AKT3: variants seen among roughly 807,000 people sequenced by gnomAD.
AKT3 encodes the protein RAC-gamma serine/threonine-protein kinase.
Under a neutral mutation model 65.3 loss-of-function variants are expected in AKT3, and 15 were observed. That is an observed-to-expected ratio of 0.23 (90% CI 0.15 to 0.35). The LOEUF (loss-of-function observed/expected upper bound fraction) is 0.35, where lower values mean the gene tolerates loss of function less well. AKT3 is among the 10% of genes least tolerant of loss of function. The probability of loss-of-function intolerance (pLI) is 1.00; values close to 1 mark genes in which losing one functional copy is unlikely to be tolerated. For synonymous variants in AKT3, 206 were observed against 183.8 expected, an observed-to-expected ratio of 1.12 and a Z score of -0.98; for missense variants, 243 against 576.5, an observed-to-expected ratio of 0.42 and a Z score of 5.92.
intron 2 of AKT3, among the ~76,000 whole-genome samples, chr1:243,734,473 G>A (rs1021814726): frequency 1.3e-5 from 2 of 152,042 alleles, no homozygotes; most frequent in African/African-American, 4.8e-5. Flanking sequence ...TACTGAATAC[G>A]CAGTTCTAAC....
At chr1:243,805,415 T>C (rs989823635) in intron 2 of AKT3, among the ~76,000 whole-genome samples, 1 of 152,116 alleles carries the variant, frequency 6.6e-6, no homozygotes, top group East Asian at 1.9e-4. Context: ...ATACAAAAAT[T>C]TTCTCTAACT....
At chr1:243,842,127 G>A in intron 2 of AKT3, among the ~76,000 whole-genome samples, 1 of 152,172 alleles carries the variant, frequency 6.6e-6, no homozygotes, top group African/African-American at 2.4e-5. Context: ...ATCAAATTAT[G>A]ACTTTACATT....
intron 3 of AKT3, among the ~76,000 whole-genome samples, chr1:243,676,606 T>C (rs1480722277): frequency 6.6e-6 from 1 of 152,220 alleles, no homozygotes; most frequent in Non-Finnish European, 1.5e-5. Context: ...TTTGTTTGTT[T>C]CAGCTTCCAA....
chr1:243,797,032 A>C (rs954677453), intron 2 of AKT3, among the ~76,000 whole-genome samples: 6 of 152,180 alleles, frequency 3.9e-5, no homozygotes, highest in African/African-American at 1.4e-4. Context: ...ACATGAAAAA[A>C]GTTCTGGAGG....
intron 8 of AKT3, among the ~76,000 whole-genome samples, chr1:243,593,996 A>G (rs1676423685): frequency 6.6e-6 from 1 of 152,246 alleles, no homozygotes; most frequent in Admixed American, 6.5e-5. Flanking sequence ...ACAAACAAGA[A>G]TGGAAGTAAA....
chr1:243,826,653 G>GTGA (rs1270897301), intron 2 of AKT3, among the ~76,000 whole-genome samples: 9 of 152,268 alleles, frequency 5.9e-5, no homozygotes, highest in Admixed American at 2.6e-4. Flanking sequence ...CAAGCTAACG[G>GTGA]TGATGAACCA....
chr1:243,799,424 T>A (rs1692246157), intron 2 of AKT3, among the ~76,000 whole-genome samples: 2 of 152,212 alleles, frequency 1.3e-5, no homozygotes, highest in Admixed American at 1.3e-4. Context: ...CACAAAACTA[T>A]GGTTGTAAAA....
At chr1:243,668,369 T>C (rs1015838974) in intron 3 of AKT3, among the ~76,000 whole-genome samples, 1 of 152,072 alleles carries the variant, frequency 6.6e-6, no homozygotes, top group Non-Finnish European at 1.5e-5. Context: ...AGAGAAGATA[T>C]AAGGGCCCAA....
chr1:243,700,476 C>A (rs1685375673), intron 2 of AKT3, among the ~76,000 whole-genome samples: 1 of 150,888 alleles, frequency 6.6e-6, no homozygotes, highest in South Asian at 2.1e-4. Context: ...AGTAAAAATA[C>A]TGCATTATTT....
chr1:243,775,169 C>T (rs1253192985), intron 2 of AKT3, among the ~76,000 whole-genome samples: 1 of 151,906 alleles, frequency 6.6e-6, no homozygotes, highest in Non-Finnish European at 1.5e-5. Flanking sequence ...GTCCTTGTTC[C>T]TATTATTTGT....
At chr1:243,769,254 G>A (rs911151860) in intron 2 of AKT3, among the ~76,000 whole-genome samples, 1 of 152,066 alleles carries the variant, frequency 6.6e-6, no homozygotes, top group Non-Finnish European at 1.5e-5. Flanking sequence ...AGGCAATTAC[G>A]AATACTACTA....
intron 9 of AKT3, among the ~76,000 whole-genome samples, chr1:243,570,593 A>G (rs1490650338): frequency 6.6e-6 from 1 of 152,196 alleles, no homozygotes; most frequent in Non-Finnish European, 1.5e-5. Context: ...TTAGTAAGTC[A>G]TTTACTAGGC....
At chr1:243,529,811 G>T (rs1028397625) in intron 12 of AKT3, among the ~76,000 whole-genome samples, 32 of 151,038 alleles carry the variant, frequency 2.1e-4, no homozygotes, top group East Asian at 7.8e-4. Flanking sequence ...AAATAGTTTG[G>T]TTTTTTTTTC....
At chr1:243,710,944 T>C (rs767052375) in intron 2 of AKT3, among the ~76,000 whole-genome samples, 2 of 152,228 alleles carry the variant, frequency 1.3e-5, no homozygotes, top group African/African-American at 2.4e-5. Context: ...GCTTAAGTAC[T>C]GGCCGTAGCA....
intron 5 of AKT3, among the ~76,000 whole-genome samples, chr1:243,645,586 T>G (rs967737454): frequency 3.3e-5 from 5 of 152,194 alleles, no homozygotes; most frequent in African/African-American, 1.2e-4. Flanking sequence ...AAACATTTTA[T>G]TACAAAGTTT....
chr1:243,848,652 T>C (rs1024832803), intron 1 of AKT3, among the ~76,000 whole-genome samples: 6 of 152,340 alleles, frequency 3.9e-5, no homozygotes, highest in Admixed American at 1.3e-4. Flanking sequence ...TATATGACCA[T>C]GCTTTACCAA....
chr1:243,500,591 C>T lies in AKT3; in HGVS notation c.*4658G>A, dbSNP rs14403. The T allele has an allele frequency of 0.18, 41,268 of 228,610 alleles. 4,191 individuals are homozygous for T. The highest frequency in any genetic ancestry group is 0.24 in the East Asian group (3,803 of 15,946). 14.2% of individuals were successfully genotyped at this position (228,610 alleles called of 1,614,324 possible). ...TAATAAAAACGGACACTGGACATAC[C>T]GTGTTGTATCTGAGAATGACAAACA... On this transcript the variant is annotated 3_prime_UTR_variant, in exon 14 of 14. Coordinates refer to ENST00000673466, the MANE Select transcript of AKT3 (RefSeq NM_005465.7).
chr1:243,589,018 C>T (rs923578865), intron 8 of AKT3, among the ~76,000 whole-genome samples: 1 of 151,900 alleles, frequency 6.6e-6, no homozygotes, highest in African/African-American at 2.4e-5. Flanking sequence ...CAAATATATA[C>T]AAAACTCGGC....
At chr1:243,647,160 T>A (rs1265493393) in intron 4 of AKT3, among the ~76,000 whole-genome samples, 1 of 152,216 alleles carries the variant, frequency 6.6e-6, no homozygotes, top group Non-Finnish European at 1.5e-5. Context: ...ATCTTTCACA[T>A]CTTTAACTGA....
Sources: gnomAD v4.1 joint callset for allele counts (sites outside exome capture counted in the v4.1 genomes callset) on GRCh38, gnomAD v4.1.1 for gene constraint, MANE v1.5 for transcripts, NCBI Gene and HGNC (gene_info 2026-07-23, HGNC 2026-07-21) for gene names.